The following PKNOX1 variants were observed in gnomAD, a reference collection of about 807,000 sequenced individuals.
PKNOX1 encodes PBX/knotted 1 homeobox 1.
In PKNOX1, 15 loss-of-function variants were observed where a neutral mutation model predicts 51.9. That is an observed-to-expected ratio of 0.29 (90% CI 0.19 to 0.45). The LOEUF is 0.45. PKNOX1 is among the 20% of genes least tolerant of loss of function. The pLI is 1.00. For missense variants in PKNOX1, 462 were observed against 547.5 expected (o/e 0.84, Z 1.56); for synonymous variants, 219 against 211.1 (o/e 1.04, Z -0.32).
intron 1 of PKNOX1, among the ~76,000 whole-genome samples, chr21:42,987,947 CATACGTA>C (rs2059064110): frequency 6.6e-6 from 1 of 151,876 alleles, no homozygotes; most frequent in Non-Finnish European, 1.5e-5. Flanking sequence ...GTAAAGAAAG[CATACGTA>C]ATACAGACAG....
intron 1 of PKNOX1, among the ~76,000 whole-genome samples, chr21:43,002,073 A>G (rs234764): frequency 0.89 from 136,127 of 152,150 alleles, 61,021 homozygotes; most frequent in Non-Finnish European, 0.91. Context: ...GCCCAGGCTG[A>G]TCTTGAACTC....
chr21:42,991,968 C>A (rs2059090042), intron 1 of PKNOX1, among the ~76,000 whole-genome samples: 1 of 152,198 alleles, frequency 6.6e-6, no homozygotes, highest in Admixed American at 6.5e-5. Flanking sequence ...AGCTTCCAAA[C>A]CTTTGCTCTT....
chr21:43,020,505 A>G (rs1979705479), intron 7 of PKNOX1: 1 of 152,264 alleles, frequency 6.6e-6, no homozygotes, highest in Non-Finnish European at 1.5e-5. Flanking sequence ...TTTAAAATGA[A>G]GTTGGCAGAG....
intron 1 of PKNOX1, among the ~76,000 whole-genome samples, chr21:42,989,821 A>G (rs928701452): frequency 6.6e-6 from 1 of 152,218 alleles, no homozygotes; most frequent in East Asian, 1.9e-4. Context: ...AATCATGGGC[A>G]GGCATGGTGG....
Position 43,032,412 on chromosome 21 carries a change from T to C in PKNOX1, c.*2311T>C. ...AGACTCATGTATAGGTCACCGTTTC[T>C]TTCCCCCACTAGAAATCACATTCAC... On this transcript the variant is annotated 3_prime_UTR_variant, in exon 11 of 11. Transcript: ENST00000291547. 1 of 282,786 alleles carries C rather than the reference T, an allele frequency of 3.5e-6. No homozygotes were observed. Among genetic ancestry groups the C allele is most frequent in the Non-Finnish European group, 7.3e-6 (1 of 137,186 alleles). The allele number at this position is 282,786 out of a possible 1,614,324, so 17.5% of individuals were successfully genotyped here.
At chr21:43,000,952 C>A (rs1978726580) in intron 1 of PKNOX1, among the ~76,000 whole-genome samples, 1 of 152,156 alleles carries the variant, frequency 6.6e-6, no homozygotes, top group South Asian at 2.1e-4. Flanking sequence ...CTCATACAAC[C>A]AGGTAGGAGC....
chr21:43,031,454 C>G lies in PKNOX1; in HGVS notation c.*1353C>G, dbSNP rs1427161048. On this transcript the variant is annotated 3_prime_UTR_variant, in exon 11 of 11. Transcript: ENST00000291547. ...CTTGACCACGTGAGATTTGGAATAA[C>G]TGTAGGACTTCTGTTTCCTGGTAAC... is the stretch of plus-strand genomic sequence containing the variant. The G allele has an allele frequency of 6.6e-6, 1 of 152,258 alleles. No individual in the cohort carries two copies. The highest frequency in any genetic ancestry group is 1.5e-5 in the Non-Finnish European group (1 of 68,062). 9.4% of individuals were successfully genotyped at this position (152,258 alleles called of 1,614,324 possible).
Position 43,021,582 on chromosome 21 carries a change from G to A in PKNOX1, c.849+151G>A, listed in dbSNP as rs931291089. ...GTGGCATGTCCATAATGTGGGGAGC[G>A]TGGGGCACTGCTGCAGGGAACTTGA... is the stretch of plus-strand genomic sequence containing the variant. On this transcript the variant is annotated intron_variant, in intron 8 of 10. Transcript: ENST00000291547. This position sits in a 1 kb window ranked among gnomAD's most constrained non-coding sequence, Gnocchi z 4.6. The A allele has an allele frequency of 2.9e-5, 27 of 928,846 alleles. No individual in the cohort carries two copies. The highest frequency in any genetic ancestry group is 9.0e-5 in the South Asian group (5 of 55,318). 57.5% of individuals were successfully genotyped at this position (928,846 alleles called of 1,614,324 possible). A position where few individuals can be genotyped will look rare whatever the true frequency, so the allele number is the denominator to read the frequency against.
chr21:43,007,105 G>A (rs147142892), intron 2 of PKNOX1, among the ~76,000 whole-genome samples: 144 of 152,342 alleles, frequency 9.5e-4, no homozygotes, highest in African/African-American at 3.2e-3. Flanking sequence ...GGGTTAGGTT[G>A]TGTCTGTGAC....
At chr21:43,001,429 T>A (rs1330413231) in intron 1 of PKNOX1, among the ~76,000 whole-genome samples, 1 of 152,122 alleles carries the variant, frequency 6.6e-6, no homozygotes, top group African/African-American at 2.4e-5. Flanking sequence ...GCACTCAGCC[T>A]CCTCTTCCTT....
In PKNOX1 at chr21:42,989,129, C is replaced by T. The variant is rs112242931; in HGVS notation, c.-57+14465C>T. On this transcript the variant is annotated intron_variant, in intron 1 of 10. Coordinates refer to ENST00000291547, the MANE Select transcript of PKNOX1 (RefSeq NM_004571.5). ...TTCCTCATTTCTTCTGTAAAATAAA[C>T]GTAAAAAGGGACTGAATAATTTCCA... 6.7e-3 allele frequency among the ~76,000 whole-genome samples: 1,012 copies of T among 152,118 alleles called. 11 individuals are homozygous for T. Among genetic ancestry groups the T allele is most frequent in the African/African-American group, 0.02 (831 of 41,518 alleles).
At chr21:42,982,002 T>TC (rs891407330) in intron 1 of PKNOX1, among the ~76,000 whole-genome samples, 1 of 152,216 alleles carries the variant, frequency 6.6e-6, no homozygotes, top group African/African-American at 2.4e-5. Flanking sequence ...GTGGTTGCCC[T>TC]CCACTGTCTG....
At chr21:42,994,918 C>CTTTTTTTTTTTTT (rs11361350) in intron 1 of PKNOX1, among the ~76,000 whole-genome samples, 1 of 113,578 alleles carries the variant, frequency 8.8e-6, no homozygotes, top group Admixed American at 1.0e-4. Context: ...TTTCTTTCTT[C>CTTTTTTTTTTTTT]TTTTTTTTTT....
intron 2 of PKNOX1, among the ~76,000 whole-genome samples, chr21:43,006,060 C>T (rs945184779): frequency 4.6e-5 from 7 of 152,012 alleles, no homozygotes; most frequent in African/African-American, 1.7e-4. Context: ...TTTTCACAAT[C>T]ATTTTTTTTT....
Position 43,018,157 on chromosome 21 carries a change from C to G in PKNOX1, c.647C>G (p.Thr216Arg), listed in dbSNP as rs372849442. 6.2e-7 allele frequency: 1 copy of G among 1,612,054 alleles called. No individual in the cohort carries two copies. Among genetic ancestry groups the G allele is most frequent in the Non-Finnish European group, 8.5e-7 (1 of 1,178,548 alleles). Residue 216 changes from threonine to arginine, a missense_variant, in exon 7 of 11, where the codon ACG (threonine) becomes AGG (arginine). Thr to Arg is a moderately conservative substitution (Grantham distance 71). Around this residue, in one of 5 missense-constraint regions of PKNOX1, gnomAD observed 126 missense variants for 128.1 expected, o/e 0.98. Coordinates refer to ENST00000291547, the MANE Select transcript of PKNOX1 (RefSeq NM_004571.5). The part of the protein sequence containing the change: ...VAGGTVYQPV[T>R]VVTPQGQVVT... The stretch of plus-strand genomic sequence containing the variant: ...GGTGGCACAGTGTATCAGCCTGTCA[C>G]GGTCGTCACTCCCCAAGGCCAAGTG...
intron 9 of PKNOX1, among the ~76,000 whole-genome samples, chr21:43,025,541 C>T (rs1178035830): frequency 6.6e-6 from 1 of 152,206 alleles, no homozygotes; most frequent in Non-Finnish European, 1.5e-5. Flanking sequence ...TCTAGTCCTG[C>T]TGTCAAACAT....
chr21:42,993,650 GTTTTTTTT>G (rs763767819), intron 1 of PKNOX1, among the ~76,000 whole-genome samples: 10 of 20,000 alleles, frequency 5.0e-4, no homozygotes, highest in Admixed American at 1.9e-3. Context: ...TACCCACTTT[GTTTTTTTT>G]GTTTTTTTTT....
chr21:42,983,796 T>C (rs1397476524), intron 1 of PKNOX1, among the ~76,000 whole-genome samples: 5 of 152,020 alleles, frequency 3.3e-5, no homozygotes, highest in Non-Finnish European at 7.4e-5. Context: ...AAGGAGAGAG[T>C]ATCAGTTTAC....
chr21:42,974,894 C>T (rs2058984077), intron 1 of PKNOX1, among the ~76,000 whole-genome samples: 2 of 147,144 alleles, frequency 1.4e-5, no homozygotes, highest in Non-Finnish European at 1.5e-5. Flanking sequence ...GGGGCGCCTT[C>T]AGCCCAACCG....
Sources: gnomAD v4.1 joint callset for allele counts (sites outside exome capture counted in the v4.1 genomes callset) on GRCh38, gnomAD v4.1.1 for gene constraint, gnomAD v4.1.1 regional missense constraint, Gnocchi (gnomAD v3.1) non-coding constraint, MANE v1.5 for transcripts, NCBI Gene and HGNC (gene_info 2026-07-23, HGNC 2026-07-21) for gene names.